Variants in SENP2 observed in about 807,000 individuals in gnomAD.
The protein encoded by SENP2 is SUMO specific peptidase 2, also known as sentrin-specific protease 2.
Under a neutral mutation model 86.3 loss-of-function variants are expected in SENP2, and 16 were observed. The observed-to-expected ratio is 0.19, with a 90% CI of 0.13 to 0.28. SENP2 has a LOEUF of 0.28. Among genes scored for constraint, SENP2 ranks in the 10% least tolerant of loss-of-function variants. The pLI is 1.00. For missense variants in SENP2, 552 were observed against 703.0 expected (o/e 0.79, Z 2.43); for synonymous variants, 222 against 238.7 (o/e 0.93, Z 0.64).
chr3:185,594,133 A>C (rs1459908210), intron 2 of SENP2, among the ~76,000 whole-genome samples: 3 of 151,926 alleles, frequency 2.0e-5, no homozygotes, highest in Non-Finnish European at 4.4e-5. Flanking sequence ...AGTTTTAAAG[A>C]AAAATATAAA....
intron 16 of SENP2, among the ~76,000 whole-genome samples, chr3:185,627,613 G>A (rs964840093): frequency 2.0e-5 from 3 of 152,078 alleles, no homozygotes; most frequent in Non-Finnish European, 4.4e-5. Context: ...GGGTTTCACC[G>A]TGTTGGCCAG....
At chr3:185,605,045 C>T (rs946870868) in intron 5 of SENP2, among the ~76,000 whole-genome samples, 29 of 151,016 alleles carry the variant, frequency 1.9e-4, no homozygotes, top group Non-Finnish European at 2.8e-4. Flanking sequence ...TGAGCCACCG[C>T]GCCTGGCCGA....
At chr3:185,589,151 T>C (rs944730603) in intron 1 of SENP2, among the ~76,000 whole-genome samples, 7 of 152,140 alleles carry the variant, frequency 4.6e-5, no homozygotes, top group African/African-American at 1.7e-4. Flanking sequence ...TATGACCCTT[T>C]AGCATTCTTG....
At chr3:185,613,235 ACT>A (rs1722751635) in intron 9 of SENP2, 108 bp from the exon 10 acceptor site, 1 of 721,940 alleles carries the variant, frequency 1.4e-6, no homozygotes, top group East Asian at 2.5e-5. Flanking sequence ...TATTATGTAA[ACT>A]CAACACAATT....
At chr3:185,611,788 G>A (rs1475211374) in intron 8 of SENP2, 43 bp downstream of exon 8, 2 of 1,345,268 alleles carry the variant, frequency 1.5e-6, no homozygotes, top group Non-Finnish European at 2.1e-6. Context: ...ATTGACCTTA[G>A]TTCATGCTAC....
At chr3:185,588,438 G>A (rs1246712525) in intron 1 of SENP2, among the ~76,000 whole-genome samples, 1 of 152,070 alleles carries the variant, frequency 6.6e-6, no homozygotes, top group African/African-American at 2.4e-5. Context: ...TGATCCACCC[G>A]CCTCGGCCTC....
At chr3:185,609,420 G>A in intron 7 of SENP2, 70 bp downstream of exon 7, 1 of 1,117,884 alleles carries the variant, frequency 8.9e-7, no homozygotes, top group Non-Finnish European at 1.4e-6. Flanking sequence ...GAAAGTATTG[G>A]TGGGAAGGGC....
intron 5 of SENP2, among the ~76,000 whole-genome samples, chr3:185,604,475 C>G (rs1191884962): frequency 2.6e-5 from 4 of 152,180 alleles, no homozygotes; most frequent in Non-Finnish European, 5.9e-5. Context: ...AGTGATTTTT[C>G]TGTCAACTTC....
chr3:185,610,762 C>A (rs1296288797), intron 7 of SENP2, among the ~76,000 whole-genome samples: 1 of 149,608 alleles, frequency 6.7e-6, no homozygotes, highest in Non-Finnish European at 1.5e-5. Context: ...TCAAGATCAT[C>A]CTGGCTAACA....
chr3:185,590,127 A>T lies in SENP2; in HGVS notation c.115A>T (p.Thr39Ser), dbSNP rs371947025. 2.6e-6 allele frequency: 4 copies of T among 1,537,276 alleles called. No homozygotes were observed. Among genetic ancestry groups the T allele is most frequent in the Admixed American group, 3.9e-5 (2 of 51,196 alleles). Residue 39 changes from threonine to serine, a missense_variant, in exon 2 of 17, where the codon ACA becomes TCA. Physicochemically the swap from Thr to Ser is moderately conservative, Grantham distance 58. Around this residue, in one of 2 missense-constraint regions of SENP2, gnomAD observed 383 missense variants for 427.3 expected, o/e 0.90. Transcript: ENST00000296257. Reference protein sequence around the residue: ...RRRSDSTLFSTVDTDEIPAKR... With the variant: ...RRRSDSTLFSSVDTDEIPAKR... ...TCTCTTTTTCAGCACTCTGTTTTCT[A>T]CAGTGGACACTGATGAAATACCAGC... is the stretch of plus-strand genomic sequence containing the variant.
At chr3:185,619,130 A>G (rs1479660004) in intron 12 of SENP2, among the ~76,000 whole-genome samples, 169 bp from the exon 13 acceptor site, 1 of 152,066 alleles carries the variant, frequency 6.6e-6, no homozygotes, top group Non-Finnish European at 1.5e-5. Flanking sequence ...TTTCATTTTC[A>G]TGTGTCCCAT....
intron 10 of SENP2, among the ~76,000 whole-genome samples, chr3:185,613,892 G>A (rs963680501): frequency 6.6e-6 from 1 of 150,464 alleles, no homozygotes; most frequent in Non-Finnish European, 1.5e-5. Flanking sequence ...TTCCTTCTGA[G>A]TTGTTGGAGT....
At chr3:185,610,130 A>T (rs1371292292) in intron 7 of SENP2, among the ~76,000 whole-genome samples, 1 of 151,628 alleles carries the variant, frequency 6.6e-6, no homozygotes, top group East Asian at 1.9e-4. Flanking sequence ...ATCGAAGATT[A>T]AAAAGTCACA....
chr3:185,626,501 G>A (rs531937674), intron 16 of SENP2, 108 bp downstream of exon 16: 4 of 716,644 alleles, frequency 5.6e-6, no homozygotes, highest in Non-Finnish European at 7.0e-6. Flanking sequence ...GGCCAGGCGT[G>A]GTGGCTCACA....
At chr3:185,623,819 T>G (rs1712004309) in intron 14 of SENP2, among the ~76,000 whole-genome samples, 179 bp from the exon 15 acceptor site, 1 of 83,486 alleles carries the variant, frequency 1.2e-5, no homozygotes. Flanking sequence ...AGAGCGAGAC[T>G]CTGTCTCAAA....
rs1157171122 is a variant in SENP2, at chr3:185,630,073, C to A, written c.*229C>A. 6.7e-6 allele frequency: 3 copies of A among 447,540 alleles called. No individual in the cohort carries two copies. Among genetic ancestry groups the A allele is most frequent in the Non-Finnish European group, 1.2e-5 (3 of 246,050 alleles). The allele number at this position is 447,540 out of a possible 1,614,324, so 27.7% of individuals were successfully genotyped here. A position where few individuals can be genotyped will look rare whatever the true frequency, so the allele number is the denominator to read the frequency against. On this transcript the variant is annotated 3_prime_UTR_variant, in exon 17 of 17. Transcript: ENST00000296257. ...TGCCTGCTCAGAGCTTTGGACTGTT[C>A]AACCCACACAAGAACAAACGCTAAC...
chr3:185,621,371 G>GT (rs1711873938), intron 13 of SENP2, among the ~76,000 whole-genome samples: 1 of 123,962 alleles, frequency 8.1e-6, no homozygotes, highest in Non-Finnish European at 1.7e-5. Context: ...AGTGGATATC[G>GT]TTTTTCTTTT....
chr3:185,608,439 A>G (rs766730705), intron 6 of SENP2, among the ~76,000 whole-genome samples: 16 of 152,230 alleles, frequency 1.1e-4, no homozygotes, highest in Admixed American at 2.0e-4. Flanking sequence ...GGGAATCACT[A>G]TGTGTCACTT....
At chr3:185,597,803 G>A (rs1415256310) in intron 2 of SENP2, among the ~76,000 whole-genome samples, 7 of 151,208 alleles carry the variant, frequency 4.6e-5, no homozygotes, top group East Asian at 1.9e-4. Context: ...ATAGGGATGC[G>A]CCACCACGCC....
Sources: gnomAD v4.1 joint callset for allele counts (sites outside exome capture counted in the v4.1 genomes callset) on GRCh38, gnomAD v4.1.1 for gene constraint, gnomAD v4.1.1 regional missense constraint, MANE v1.5 for transcripts, NCBI Gene and HGNC (gene_info 2026-07-23, HGNC 2026-07-21) for gene names.